The following SLC39A9 variants were observed in gnomAD, a reference collection of about 807,000 sequenced individuals.
SLC39A9 encodes solute carrier family 39 member 9.
SLC39A9 carries 14 observed loss-of-function variants against 28.4 expected under a neutral mutation model. That is an observed-to-expected ratio of 0.49 (90% CI 0.33 to 0.77). The LOEUF is 0.77. Ranked by LOEUF, SLC39A9 falls within the 30% of genes least tolerant of loss-of-function variation. SLC39A9 has a pLI of 0.02. For missense variants in SLC39A9, 283 were observed against 381.1 expected, an observed-to-expected ratio of 0.74 and a Z score of 2.14; for synonymous variants, 119 against 149.6, an observed-to-expected ratio of 0.80 and a Z score of 1.49.
At chr14:69,411,104 CA>C (rs1484989608) in intron 1 of SLC39A9, among the ~76,000 whole-genome samples, 1 of 149,566 alleles carries the variant, frequency 6.7e-6, no homozygotes, top group African/African-American at 2.5e-5. Flanking sequence ...CCCAGCTACT[CA>C]GGAGGCTAAG....
At chr14:69,429,788 TC>T (rs772692147) in intron 2 of SLC39A9, among the ~76,000 whole-genome samples, 5 of 152,222 alleles carry the variant, frequency 3.3e-5, no homozygotes, top group Non-Finnish European at 7.3e-5. Context: ...GACAAACTCT[TC>T]CTAAAGTGGC....
chr14:69,422,482 C>G (rs1252209073), intron 1 of SLC39A9, among the ~76,000 whole-genome samples: 1 of 152,148 alleles, frequency 6.6e-6, no homozygotes, highest in Non-Finnish European at 1.5e-5. Flanking sequence ...GTGATTATAG[C>G]ACACTATAGC....
At chr14:69,443,424 A>C (rs1237808165) in intron 3 of SLC39A9, among the ~76,000 whole-genome samples, 1 of 152,238 alleles carries the variant, frequency 6.6e-6, no homozygotes, top group African/African-American at 2.4e-5. Flanking sequence ...GTATGGCAGC[A>C]GTTCTATAAG....
At chr14:69,409,897 G>A (rs1392009606) in intron 1 of SLC39A9, among the ~76,000 whole-genome samples, 2 of 151,936 alleles carry the variant, frequency 1.3e-5, no homozygotes, top group African/African-American at 2.4e-5. Context: ...TGCAAATAAC[G>A]CTATATTCTC....
At chr14:69,431,350 A>C (rs1884480371) in intron 2 of SLC39A9, among the ~76,000 whole-genome samples, 1 of 151,764 alleles carries the variant, frequency 6.6e-6, no homozygotes, top group African/African-American at 2.4e-5. Context: ...TTGCTACGTA[A>C]ATAATCATGT....
intron 1 of SLC39A9, 88 bp from the exon 2 acceptor site, chr14:69,424,006 A>G (rs1884047496): frequency 2.4e-6 from 2 of 834,422 alleles, no homozygotes; most frequent in Admixed American, 2.3e-5. Context: ...ACAAATGAGC[A>G]GCTCACAGTC....
rs1025704066 is a variant in SLC39A9 at position 69,441,865 on chromosome 14, A to C, written c.206-204A>C. The C allele has an allele frequency of 8.9e-6, 12 of 1,353,416 alleles. No individual in the cohort carries two copies. The African/African-American group carries it at 1.8e-4, about 20-fold the overall frequency. The allele number at this position is 1,353,416 out of a possible 1,614,324, so 83.8% of individuals were successfully genotyped here. ...AATAATAGGCAGTCAGAAGGTCTGC[A>C]TGCCAAAGGCAGAAGACATTTGGGA... is the stretch of plus-strand genomic sequence containing the variant. On this transcript the variant is annotated intron_variant, in intron 2 of 6. Transcript: ENST00000336643.
chr14:69,443,639 T>C (rs535184559), intron 3 of SLC39A9, among the ~76,000 whole-genome samples: 5 of 152,018 alleles, frequency 3.3e-5, no homozygotes, highest in Admixed American at 6.6e-5. Context: ...GAGGCCAAGA[T>C]GGGCGGATCC....
intron 3 of SLC39A9, 22 bp from the exon 4 acceptor site, chr14:69,453,219 G>A: frequency 1.2e-6 from 2 of 1,605,354 alleles, no homozygotes; most frequent in Non-Finnish European, 8.5e-7. Flanking sequence ...GCTTAACGCT[G>A]TCTTTCTCAT....
intron 1 of SLC39A9, among the ~76,000 whole-genome samples, chr14:69,407,733 G>A (rs969912978): frequency 2.6e-5 from 4 of 151,660 alleles, no homozygotes; most frequent in African/African-American, 9.7e-5. Context: ...CCTCCTCTCA[G>A]GTTCAAGAGA....
At chr14:69,400,835 A>T (rs994064095) in intron 1 of SLC39A9, among the ~76,000 whole-genome samples, 1 of 152,114 alleles carries the variant, frequency 6.6e-6, no homozygotes. Context: ...CATTTTAAAA[A>T]ATTACGTGCA....
chr14:69,442,185 A>G lies in SLC39A9; in HGVS notation c.322A>G (p.Ile108Val), dbSNP rs1885080749. 1.2e-6 allele frequency: 2 copies of G among 1,614,202 alleles called. No homozygotes were observed. Among genetic ancestry groups the G allele is most frequent in the Non-Finnish European group, 1.7e-6 (2 of 1,180,026 alleles). Reference sequence around the variant, plus strand: ...CGACCACACACAGCTGCATGCCTATATTGGTGTTTCCCTCGTTCTGGGCTT... The same window carrying G: ...CGACCACACACAGCTGCATGCCTATGTTGGTGTTTCCCTCGTTCTGGGCTT... ...SHDHTQLHAY[I>V]GVSLVLGFVF... Residue 108 changes from isoleucine to valine, a missense_variant, in exon 3 of 7, where the codon ATT (isoleucine) becomes GTT (valine). Coordinates refer to ENST00000336643, the MANE Select transcript of SLC39A9 (RefSeq NM_018375.5).
chr14:69,400,552 C>T (rs1468015344), intron 1 of SLC39A9, among the ~76,000 whole-genome samples: 1 of 152,134 alleles, frequency 6.6e-6, no homozygotes, highest in Non-Finnish European at 1.5e-5. Context: ...GTAAAATAGG[C>T]CCTAGTTTCA....
chr14:69,424,620 CT>C (rs1884091332), intron 2 of SLC39A9, among the ~76,000 whole-genome samples: 1 of 151,806 alleles, frequency 6.6e-6, no homozygotes, highest in Admixed American at 6.6e-5. Flanking sequence ...TAAAGGATAA[CT>C]GAAAAAATTA....
chr14:69,461,531 A>G lies in SLC39A9; in HGVS notation c.*2938A>G. The stretch of plus-strand genomic sequence containing the variant: ...CTTTCACCTCTTTCTTTCCCAATTC[A>G]AAACAGCCAAGTGAGCCCTGTTCTG... On this transcript the variant is annotated 3_prime_UTR_variant, in exon 7 of 7. Transcript: ENST00000336643. The G allele has an allele frequency of 2.8e-6, 4 of 1,448,548 alleles. No individual in the cohort carries two copies. Among genetic ancestry groups the G allele is most frequent in the Non-Finnish European group, 3.6e-6 (4 of 1,105,286 alleles). The allele number at this position is 1,448,548 out of a possible 1,614,324, so 89.7% of individuals were successfully genotyped here. A position where few individuals can be genotyped will look rare whatever the true frequency, so the allele number is the denominator to read the frequency against.
chr14:69,411,705 A>G (rs1481888407), intron 1 of SLC39A9, among the ~76,000 whole-genome samples: 2 of 152,168 alleles, frequency 1.3e-5, no homozygotes, highest in African/African-American at 4.8e-5. Flanking sequence ...GAAAGAATAC[A>G]GCCATACAAA....
At position 69,425,917 on chromosome 14, in the gene SLC39A9, G is replaced by A. The variant is rs142352335; in HGVS notation, c.205+1715G>A. Reference sequence around the variant, plus strand: ...GGGACTCAAGCGATCCTCCCAAGTTGGCCTCCCAAAGTGCTGGGATTACAG... The same window carrying A: ...GGGACTCAAGCGATCCTCCCAAGTTAGCCTCCCAAAGTGCTGGGATTACAG... On this transcript the variant is annotated intron_variant, in intron 2 of 6. Transcript: ENST00000336643. 3.5e-3 allele frequency among the ~76,000 whole-genome samples: 527 copies of A among 152,078 alleles called. 2 individuals are homozygous for A. Among genetic ancestry groups the A allele is most frequent in the African/African-American group, 0.011 (456 of 41,496 alleles).
intron 2 of SLC39A9, among the ~76,000 whole-genome samples, chr14:69,437,206 G>C (rs921541187): frequency 6.6e-6 from 1 of 152,084 alleles, no homozygotes; most frequent in Non-Finnish European, 1.5e-5. Context: ...AGAAAGATGG[G>C]GTTTTAACTG....
intron 2 of SLC39A9, among the ~76,000 whole-genome samples, chr14:69,427,247 AC>A (rs1317944384): frequency 1.3e-5 from 2 of 151,860 alleles, no homozygotes; most frequent in Non-Finnish European, 2.9e-5. Context: ...CAAGTGATCC[AC>A]CCACCTCAGC....
Sources: gnomAD v4.1 joint callset for allele counts (sites outside exome capture counted in the v4.1 genomes callset) on GRCh38, gnomAD v4.1.1 for gene constraint, MANE v1.5 for transcripts, NCBI Gene and HGNC (gene_info 2026-07-23, HGNC 2026-07-21) for gene names.